The following PIWIL2 variants were observed in gnomAD, a reference collection of about 807,000 sequenced individuals.
The protein encoded by PIWIL2 is piwi like RNA-mediated gene silencing 2.
In PIWIL2, 81 loss-of-function variants were observed where a neutral mutation model predicts 116.5. That is an observed-to-expected ratio of 0.70 (90% CI 0.58 to 0.84). The LOEUF (loss-of-function observed/expected upper bound fraction) is 0.84. PIWIL2 is among the 40% of genes least tolerant of loss of function. The pLI, the probability that PIWIL2 is intolerant of heterozygous loss-of-function variation, is 0.00. For missense variants in PIWIL2, 1,272 were observed against 1,212.3 expected, an observed-to-expected ratio of 1.05 and a Z score of -0.73; for synonymous variants, 489 against 429.5, an observed-to-expected ratio of 1.14 and a Z score of -1.71.
chr8:22,292,806 A>G (rs1166798337), intron 10 of PIWIL2, among the ~76,000 whole-genome samples: 1 of 152,324 alleles, frequency 6.6e-6, no homozygotes, highest in Non-Finnish European at 1.5e-5. Context: ...CATCTTTATC[A>G]TACTAAAACT....
rs1758499930 is a variant in PIWIL2, at chr8:22,355,941, TGCAC to T, written c.*439_*442del. 1 of 173,232 alleles carries T rather than the reference TGCAC, an allele frequency of 5.8e-6. No individual in the cohort carries two copies. The highest frequency in any genetic ancestry group is 1.3e-5 in the Non-Finnish European group (1 of 79,366). The allele number at this position is 173,232 out of a possible 1,614,324, so 10.7% of individuals were successfully genotyped here. A position where few individuals can be genotyped will look rare whatever the true frequency, so the allele number is the denominator to read the frequency against. On this transcript the variant is annotated 3_prime_UTR_variant, in exon 23 of 23. Transcript: ENST00000356766. ...CAAAAAAATTAGCCGGGTGTGGCGGTGCACGCCTGTAGTCCCAGCTACTCAGGAG... is the reference window on the plus strand; with the variant it reads ...CAAAAAAATTAGCCGGGTGTGGCGGTGCCTGTAGTCCCAGCTACTCAGGAG...
chr8:22,288,177 A>C (rs1165564199), intron 7 of PIWIL2, among the ~76,000 whole-genome samples: 2 of 152,024 alleles, frequency 1.3e-5, no homozygotes, highest in African/African-American at 4.8e-5. Context: ...AGGCGCCTGT[A>C]GTCCCAGCTA....
chr8:22,323,251 A>T (rs910443561), intron 20 of PIWIL2, among the ~76,000 whole-genome samples: 1 of 147,858 alleles, frequency 6.8e-6, no homozygotes, highest in East Asian at 2.0e-4. Flanking sequence ...GGGTTCAAGC[A>T]ATTCTTCTGC....
chr8:22,281,806 C>T (rs1293167717), intron 4 of PIWIL2, among the ~76,000 whole-genome samples: 1 of 128,394 alleles, frequency 7.8e-6, no homozygotes, highest in Non-Finnish European at 1.6e-5. Context: ...AAGTTTTGCT[C>T]TGTCTCCCAA....
intron 16 of PIWIL2, among the ~76,000 whole-genome samples, chr8:22,312,568 A>G (rs1489289245): frequency 6.6e-6 from 1 of 152,046 alleles, no homozygotes; most frequent in Non-Finnish European, 1.5e-5. Flanking sequence ...GCCCAGCAGC[A>G]TTCTGTTTTT....
chr8:22,279,826 G>A (rs1019210256), intron 2 of PIWIL2, among the ~76,000 whole-genome samples: 9 of 152,098 alleles, frequency 5.9e-5, no homozygotes, highest in Non-Finnish European at 1.3e-4. Flanking sequence ...GTGTGGTGGC[G>A]GGTACCTGTA....
intron 16 of PIWIL2, among the ~76,000 whole-genome samples, chr8:22,312,472 C>T (rs1221815068): frequency 9.2e-5 from 14 of 152,030 alleles, no homozygotes; most frequent in Non-Finnish European, 2.1e-4. Flanking sequence ...CACTATGTTG[C>T]CCAGGCTGGT....
intron 20 of PIWIL2, among the ~76,000 whole-genome samples, chr8:22,338,891 A>G (rs1319136660): frequency 6.6e-6 from 1 of 152,340 alleles, no homozygotes; most frequent in Non-Finnish European, 1.5e-5. Context: ...TAGAATAGTC[A>G]AGAACATCTT....
At chr8:22,299,562 A>C (rs1363754056) in intron 10 of PIWIL2, among the ~76,000 whole-genome samples, 1 of 152,134 alleles carries the variant, frequency 6.6e-6, no homozygotes, top group Non-Finnish European at 1.5e-5. Flanking sequence ...ACTCAGTATT[A>C]ATCTGTTTGA....
chr8:22,314,494 G>A (rs894337860), intron 17 of PIWIL2, 65 bp downstream of exon 17: 7 of 725,504 alleles, frequency 9.6e-6, no homozygotes, highest in Non-Finnish European at 1.6e-5. Flanking sequence ...TTGAGAAGAG[G>A]GATATGTGTG....
chr8:22,317,289 A>T (rs537487686), intron 19 of PIWIL2, among the ~76,000 whole-genome samples: 12 of 152,232 alleles, frequency 7.9e-5, no homozygotes, highest in Non-Finnish European at 1.6e-4. Flanking sequence ...CTCATGGTCC[A>T]GCTTTTATTC....
intron 5 of PIWIL2, 65 bp downstream of exon 5, chr8:22,283,305 G>A: frequency 2.4e-6 from 3 of 1,269,178 alleles, no homozygotes; most frequent in Non-Finnish European, 1.1e-6. Context: ...TTTGGCTCGT[G>A]TGTAGTATTG....
chr8:22,326,760 G>T (rs1473010959), intron 20 of PIWIL2, among the ~76,000 whole-genome samples: 1 of 152,086 alleles, frequency 6.6e-6, no homozygotes, highest in Non-Finnish European at 1.5e-5. Context: ...CATTTGGGCT[G>T]TTCTCACATT....
At chr8:22,319,683 C>A (rs75122028) in intron 20 of PIWIL2, among the ~76,000 whole-genome samples, 3,291 of 152,280 alleles carry the variant, frequency 0.022, 128 homozygotes, top group African/African-American at 0.075. Context: ...TCCATGTGGG[C>A]CTTGTTGTAT....
At chr8:22,304,954 G>A (rs567126205) in intron 12 of PIWIL2, 86 bp downstream of exon 12, 2 of 891,074 alleles carry the variant, frequency 2.2e-6, no homozygotes, top group South Asian at 2.8e-5. Context: ...CTTTGTGGGA[G>A]CTGTGGAGTA....
intron 20 of PIWIL2, among the ~76,000 whole-genome samples, chr8:22,335,247 T>A (rs1831953656): frequency 1.3e-5 from 2 of 152,124 alleles, no homozygotes; most frequent in South Asian, 4.1e-4. Context: ...AAAAGGTAGA[T>A]GTAAAGATCA....
Position 22,311,236 on chromosome 8 carries a change from T to C in PIWIL2, c.1925T>C (p.Val642Ala). 4 of 1,614,122 alleles carry C rather than the reference T, an allele frequency of 2.5e-6. No homozygotes were observed. In the South Asian group the frequency reaches 3.3e-5, roughly 13 times the overall value. ...ATGCGTATGAGCCCACCGGCCTGGG[T>C]TGAACTAAAGGATGACCGAATAGAG... Reference protein sequence around the residue: ...IGMRMSPPAWVELKDDRIETY... With the variant: ...IGMRMSPPAWAELKDDRIETY... The change falls in exon 16 of 23, where the codon GTT becomes GCT. Residue 642 changes from valine (V) to alanine (A), a missense_variant. Transcript: ENST00000356766.
chr8:22,338,542 AAC>A (rs1313847356), intron 20 of PIWIL2, among the ~76,000 whole-genome samples: 1 of 152,038 alleles, frequency 6.6e-6, no homozygotes, highest in Non-Finnish European at 1.5e-5. Flanking sequence ...AACGCAAAAG[AAC>A]AGCTGGGTGT....
intron 20 of PIWIL2, among the ~76,000 whole-genome samples, chr8:22,343,800 G>A (rs550736762): frequency 2.0e-5 from 3 of 152,316 alleles, no homozygotes; most frequent in South Asian, 4.1e-4. Context: ...AATGGAAATG[G>A]TACAACCACT....
Sources: allele counts gnomAD v4.1 joint callset (sites outside exome capture counted in the v4.1 genomes callset), GRCh38; gene constraint gnomAD v4.1.1; transcripts MANE v1.5; gene names NCBI Gene and HGNC (gene_info 2026-07-23, HGNC 2026-07-21).